RPL39L: variants seen among roughly 807,000 people sequenced by gnomAD.
RPL39L encodes ribosomal protein eL39-like 2.
For missense variants in RPL39L, 48 were observed against 58.9 expected, an observed-to-expected ratio of 0.81 and a Z score of 0.61; for synonymous variants, 16 against 20.1, an observed-to-expected ratio of 0.80 and a Z score of 0.55.
intron 1 of RPL39L, among the ~76,000 whole-genome samples, chr3:187,132,076 A>C (rs1239731251): frequency 6.6e-6 from 1 of 152,152 alleles, no homozygotes; most frequent in Non-Finnish European, 1.5e-5. Flanking sequence ...GCTGCCTACC[A>C]CATAACCATT....
chr3:187,121,076 G>T lies in RPL39L; in HGVS notation c.*69C>A, dbSNP rs1720299077. Reference sequence around the variant, plus strand: ...TGTCCAGGTAGTGGTGACATTTTCAGCTTGATATCGTAAGATGATCGTGAA... The same window carrying T: ...TGTCCAGGTAGTGGTGACATTTTCATCTTGATATCGTAAGATGATCGTGAA... On this transcript the variant is annotated 3_prime_UTR_variant, in exon 3 of 3. Coordinates refer to ENST00000296277, the MANE Select transcript of RPL39L (RefSeq NM_052969.3). 9.6e-6 allele frequency: 15 copies of T among 1,554,838 alleles called. No homozygotes were observed. Among genetic ancestry groups the T allele is most frequent in the Non-Finnish European group, 1.3e-5 (15 of 1,132,016 alleles).
chr3:187,138,901 A>G (rs1217492863), intron 1 of RPL39L, among the ~76,000 whole-genome samples: 1 of 152,136 alleles, frequency 6.6e-6, no homozygotes, highest in Admixed American at 6.5e-5. Context: ...TTTACTAAAA[A>G]TACAAAAATT....
chr3:187,133,750 T>C (rs1720524427), intron 1 of RPL39L, among the ~76,000 whole-genome samples: 1 of 152,024 alleles, frequency 6.6e-6, no homozygotes, highest in South Asian at 2.1e-4. Flanking sequence ...GAGAATGAAA[T>C]AGGATATTGA....
intron 1 of RPL39L, among the ~76,000 whole-genome samples, chr3:187,138,340 C>A (rs1328821535): frequency 2.0e-5 from 3 of 152,096 alleles, no homozygotes; most frequent in Admixed American, 1.3e-4. Context: ...TGTGACTGCA[C>A]GGGTGGGACC....
At chr3:187,138,718 C>T (rs1720630743) in intron 1 of RPL39L, among the ~76,000 whole-genome samples, 1 of 152,142 alleles carries the variant, frequency 6.6e-6, no homozygotes, top group Non-Finnish European at 1.5e-5. Flanking sequence ...TTGTCGATTT[C>T]CTCCTTCTCT....
chr3:187,134,192 GA>G (rs1720533843), intron 1 of RPL39L, among the ~76,000 whole-genome samples: 1 of 151,622 alleles, frequency 6.6e-6, no homozygotes, highest in Non-Finnish European at 1.5e-5. Context: ...TTTCAGCAGA[GA>G]AAAAAAATGT....
intron 2 of RPL39L, among the ~76,000 whole-genome samples, chr3:187,121,745 C>T (rs1157030459): frequency 3.3e-5 from 5 of 152,110 alleles, no homozygotes; most frequent in South Asian, 2.1e-4. Context: ...CTAGAAAAAG[C>T]CCCAATATTA....
At chr3:187,126,926 G>A (rs1013994770) in intron 2 of RPL39L, among the ~76,000 whole-genome samples, 30 of 152,320 alleles carry the variant, frequency 2.0e-4, no homozygotes, top group African/African-American at 6.7e-4. Flanking sequence ...ATGTGAATGC[G>A]CTGAGACTCC....
At chr3:187,130,587 C>T (rs1284811764) in intron 1 of RPL39L, among the ~76,000 whole-genome samples, 1 of 152,194 alleles carries the variant, frequency 6.6e-6, no homozygotes, top group Non-Finnish European at 1.5e-5. Flanking sequence ...TAAAAGCTCC[C>T]TGAGGCCTCC....
At chr3:187,121,380 G>T in intron 2 of RPL39L, 52 bp from the exon 3 acceptor site, 1 of 1,503,216 alleles carries the variant, frequency 6.7e-7, no homozygotes, top group Non-Finnish European at 9.1e-7. Flanking sequence ...CATAGGATAG[G>T]ATAAGGTAAC....
intron 1 of RPL39L, among the ~76,000 whole-genome samples, chr3:187,130,237 G>A (rs1720464029): frequency 6.6e-6 from 1 of 152,328 alleles, no homozygotes; most frequent in South Asian, 2.1e-4. Flanking sequence ...CATCCACGAT[G>A]TCACCTTCAA....
At chr3:187,135,117 T>C (rs777483985) in intron 1 of RPL39L, among the ~76,000 whole-genome samples, 4 of 152,234 alleles carry the variant, frequency 2.6e-5, no homozygotes, top group African/African-American at 4.8e-5. Flanking sequence ...TGTGTGATGG[T>C]AGATCCTCCC....
intron 1 of RPL39L, among the ~76,000 whole-genome samples, chr3:187,132,612 T>A (rs2108469820): frequency 6.6e-6 from 1 of 152,336 alleles, no homozygotes; most frequent in Middle Eastern, 3.4e-3. Context: ...TGGTTTATGG[T>A]TTCTCACTAT....
intron 1 of RPL39L, among the ~76,000 whole-genome samples, chr3:187,128,702 C>T (rs1720439241): frequency 6.6e-6 from 1 of 152,188 alleles, no homozygotes; most frequent in African/African-American, 2.4e-5. Context: ...GTTACTGATT[C>T]TGGCAGCTAG....
intron 2 of RPL39L, among the ~76,000 whole-genome samples, chr3:187,122,687 C>T (rs888337379): frequency 1.3e-5 from 2 of 152,180 alleles, no homozygotes; most frequent in Non-Finnish European, 2.9e-5. Context: ...CCTTTGATTA[C>T]ACCTTATTGG....
chr3:187,136,587 A>G (rs186059469), intron 1 of RPL39L, among the ~76,000 whole-genome samples: 413 of 152,250 alleles, frequency 2.7e-3, no homozygotes, highest in African/African-American at 9.6e-3. Flanking sequence ...TATGGATCGC[A>G]TAGGATAAGA....
At chr3:187,136,519 C>G (rs75176538) in intron 1 of RPL39L, among the ~76,000 whole-genome samples, 14 of 152,314 alleles carry the variant, frequency 9.2e-5, no homozygotes, top group African/African-American at 3.1e-4. Flanking sequence ...TGTAATTAGG[C>G]TGTGGTTCTT....
At chr3:187,124,543 C>A (rs2241178) in intron 2 of RPL39L, among the ~76,000 whole-genome samples, 1 of 151,934 alleles carries the variant, frequency 6.6e-6, no homozygotes, top group Non-Finnish European at 1.5e-5. Context: ...ACATTTCCTG[C>A]CCCTTGCTGT....
intron 2 of RPL39L, among the ~76,000 whole-genome samples, chr3:187,122,172 T>C (rs980735323): frequency 3.9e-5 from 6 of 152,248 alleles, no homozygotes; most frequent in African/African-American, 1.4e-4. Flanking sequence ...TGCCATCTAC[T>C]GAATTGCATG....
Sources: allele counts gnomAD v4.1 joint callset (sites outside exome capture counted in the v4.1 genomes callset), GRCh38; gene constraint gnomAD v4.1.1; transcripts MANE v1.5; gene names NCBI Gene and HGNC (gene_info 2026-07-23, HGNC 2026-07-21).